RBM6: variants seen among roughly 807,000 people sequenced by gnomAD.
The protein encoded by RBM6 is RNA binding motif protein 6.
RBM6 carries 23 observed loss-of-function variants against 140.4 expected under a neutral mutation model. That is an observed-to-expected ratio of 0.16 (90% CI 0.12 to 0.23). The LOEUF is 0.23. RBM6 is among the 10% of genes least tolerant of loss of function. RBM6 has a pLI of 1.00. For missense variants in RBM6, 1,139 were observed against 1,386.7 expected, an observed-to-expected ratio of 0.82 and a Z score of 2.84; for synonymous variants, 439 against 475.6, an observed-to-expected ratio of 0.92 and a Z score of 1.00.
chr3:50,077,139 G>A lies in RBM6; in HGVS notation c.*6G>A. 6.2e-7 allele frequency: 1 copy of A among 1,607,972 alleles called. No homozygotes were observed. The highest frequency in any genetic ancestry group is 8.5e-7 in the Non-Finnish European group (1 of 1,177,912). On this transcript the variant is annotated 3_prime_UTR_variant, in exon 21 of 21. Transcript: ENST00000266022. ...GATATAAAGAACTCGATTAAGAAAGGAGACAAGTTCCATGGGATACAACCT... is the reference window on the plus strand; with the variant it reads ...GATATAAAGAACTCGATTAAGAAAGAAGACAAGTTCCATGGGATACAACCT...
intron 5 of RBM6, among the ~76,000 whole-genome samples, chr3:49,995,648 A>G (rs1471020969): frequency 1.3e-5 from 2 of 152,218 alleles, no homozygotes; most frequent in East Asian, 3.8e-4. Context: ...TCATATAAAT[A>G]AGCACAAAGA....
At chr3:49,978,765 A>G (rs1301451518) in intron 5 of RBM6, among the ~76,000 whole-genome samples, 2 of 152,218 alleles carry the variant, frequency 1.3e-5, no homozygotes, top group Admixed American at 6.5e-5. Context: ...GTTGAATTTT[A>G]CCAAAAAACT....
At chr3:50,050,389 T>C (rs2089420629) in intron 7 of RBM6, among the ~76,000 whole-genome samples, 1 of 152,228 alleles carries the variant, frequency 6.6e-6, no homozygotes, top group African/African-American at 2.4e-5. Flanking sequence ...TATTTATCAG[T>C]ACCTCATTTC....
chr3:49,950,475 G>T (rs2083685396), intron 1 of RBM6, among the ~76,000 whole-genome samples: 1 of 152,236 alleles, frequency 6.6e-6, no homozygotes, highest in Admixed American at 6.5e-5. Flanking sequence ...GAAAGGCAAG[G>T]CCAGGCGTGG....
At chr3:50,018,777 G>C (rs1355498922) in intron 6 of RBM6, among the ~76,000 whole-genome samples, 1 of 151,588 alleles carries the variant, frequency 6.6e-6, no homozygotes, top group Admixed American at 6.6e-5. Context: ...TTTTAGTAGA[G>C]ACAGGGTTTC....
intron 1 of RBM6, among the ~76,000 whole-genome samples, chr3:49,958,109 A>G (rs1423426218): frequency 1.3e-5 from 2 of 152,020 alleles, no homozygotes; most frequent in Non-Finnish European, 2.9e-5. Flanking sequence ...ATTTCTTCAC[A>G]TGGCTTCACG....
chr3:50,005,157 T>G (rs1170316653), intron 6 of RBM6, among the ~76,000 whole-genome samples: 1 of 152,132 alleles, frequency 6.6e-6, no homozygotes, highest in Non-Finnish European at 1.5e-5. Context: ...AAGGTATATA[T>G]AGGAAACCAA....
At chr3:49,970,919 C>T (rs2108642180) in intron 3 of RBM6, among the ~76,000 whole-genome samples, 1 of 152,128 alleles carries the variant, frequency 6.6e-6, no homozygotes, top group South Asian at 2.1e-4. Context: ...CATTTGAGGT[C>T]AGGATTTCAA....
intron 1 of RBM6, among the ~76,000 whole-genome samples, chr3:49,942,264 C>G (rs866410713): frequency 2.6e-5 from 4 of 151,328 alleles, no homozygotes; most frequent in Non-Finnish European, 4.4e-5. Flanking sequence ...CCGAGGTGGG[C>G]GGATCACGAG....
At chr3:49,977,708 C>T (rs1010488917) in intron 5 of RBM6, among the ~76,000 whole-genome samples, 2 of 152,152 alleles carry the variant, frequency 1.3e-5, no homozygotes, top group Non-Finnish European at 2.9e-5. Context: ...AGGTGAGGAA[C>T]ATAAAAGGGT....
At chr3:49,945,526 C>T (rs947923924) in intron 1 of RBM6, among the ~76,000 whole-genome samples, 8 of 152,064 alleles carry the variant, frequency 5.3e-5, no homozygotes, top group African/African-American at 1.9e-4. Flanking sequence ...TGTTGAAGCC[C>T]TAAGCCCCAG....
intron 6 of RBM6, among the ~76,000 whole-genome samples, chr3:50,047,755 C>T (rs1367429418): frequency 1.3e-5 from 2 of 152,192 alleles, no homozygotes; most frequent in Non-Finnish European, 2.9e-5. Context: ...TTTTGCCATA[C>T]AGCCAGTGTT....
chr3:50,075,724 G>A (rs2090439816), intron 20 of RBM6, among the ~76,000 whole-genome samples: 1 of 152,138 alleles, frequency 6.6e-6, no homozygotes, highest in African/African-American at 2.4e-5. Flanking sequence ...GGAGCATGTT[G>A]TTCTGGTTCC....
intron 5 of RBM6, among the ~76,000 whole-genome samples, chr3:49,978,607 T>TTTCA (rs2085164202): frequency 6.6e-6 from 1 of 152,250 alleles, no homozygotes; most frequent in African/African-American, 2.4e-5. Context: ...TATAGAAATG[T>TTTCA]AGTTTACATA....
At chr3:50,076,977 G>A in intron 20 of RBM6, 31 bp from the exon 21 acceptor site, 7 of 1,593,480 alleles carry the variant, frequency 4.4e-6, no homozygotes, top group Non-Finnish European at 6.0e-6. Context: ...AATCTATAGG[G>A]CCCACTTCAT....
intron 7 of RBM6, 77 bp from the exon 8 acceptor site, chr3:50,054,256 TGG>T: frequency 8.6e-7 from 1 of 1,159,936 alleles, no homozygotes. Flanking sequence ...CTTTCATTTT[TGG>T]GGGGTTTCAC....
intron 7 of RBM6, among the ~76,000 whole-genome samples, chr3:50,050,650 C>T (rs939919947): frequency 6.6e-6 from 1 of 152,116 alleles, no homozygotes; most frequent in East Asian, 1.9e-4. Context: ...ATTAGCAAAC[C>T]TTTTCATAGA....
chr3:49,962,029 G>A lies in RBM6; in HGVS notation c.-66-547G>A, dbSNP rs192890860. On this transcript the variant is annotated intron_variant, in intron 1 of 20. Coordinates refer to ENST00000266022, the MANE Select transcript of RBM6 (RefSeq NM_005777.3). ...AAAATTAGCTGGGCGGCCGGCGTGC[G>A]CCTGTAGTTCTAGCTACTTGGGAGG... Among the ~76,000 whole-genome samples, 603 of 151,950 alleles carry A rather than the reference G, an allele frequency of 4.0e-3. 2 individuals are homozygous for A. Among genetic ancestry groups the A allele is most frequent in the Non-Finnish European group, 6.0e-3 (410 of 67,956 alleles).
intron 5 of RBM6, among the ~76,000 whole-genome samples, chr3:49,995,125 G>A (rs1439526861): frequency 1.3e-5 from 2 of 152,112 alleles, no homozygotes; most frequent in African/African-American, 4.8e-5. Flanking sequence ...TTATTCTCCT[G>A]TAACCACCTG....
Sources: gnomAD v4.1 joint callset for allele counts (sites outside exome capture counted in the v4.1 genomes callset) on GRCh38, gnomAD v4.1.1 for gene constraint, MANE v1.5 for transcripts, NCBI Gene and HGNC (gene_info 2026-07-23, HGNC 2026-07-21) for gene names.